The following NUAK2 variants were observed in gnomAD, a reference collection of about 807,000 sequenced individuals.
NUAK2 encodes the protein NUAK family SNF1-like kinase 2.
NUAK2 carries 20 observed loss-of-function variants against 29.8 expected under a neutral mutation model. The ratio of observed to expected loss-of-function variants is 0.67; its 90% confidence interval spans 0.47 to 0.98. The LOEUF (loss-of-function observed/expected upper bound fraction) is 0.98, where lower values mean the gene tolerates loss of function less well. NUAK2 is among the 50% of genes least tolerant of loss of function. NUAK2 has a pLI of 0.00. For synonymous variants in NUAK2, 331 were observed against 342.6 expected, an observed-to-expected ratio of 0.97 and a Z score of 0.37; for missense variants, 719 against 834.5, an observed-to-expected ratio of 0.86 and a Z score of 1.71.
In NUAK2 at chr1:205,303,465, G is replaced by A; in HGVS notation, c.1872C>T (p.Cys624=). ...TATYRQALRV[C]SKLT ...CCTACTCCACTCAGGTGAGCTTTGAGCAGACCCTCAGTGCCTGTCGGTAGG... is the reference window on the plus strand; with the variant it reads ...CCTACTCCACTCAGGTGAGCTTTGAACAGACCCTCAGTGCCTGTCGGTAGG... The change falls in exon 7 of 7, where the codon TGC becomes TGT. Residue 624 remains cysteine (C), a synonymous_variant. Transcript: ENST00000367157. The A allele has an allele frequency of 1.3e-6, 2 of 1,591,050 alleles. No individual in the cohort carries two copies. The highest frequency in any genetic ancestry group is 1.1e-5 in the South Asian group (1 of 87,322).
chr1:205,307,233 G>T (rs894915910), intron 4 of NUAK2, among the ~76,000 whole-genome samples: 1 of 152,114 alleles, frequency 6.6e-6, no homozygotes, highest in African/African-American at 2.4e-5. Flanking sequence ...TGAAACTCTG[G>T]CTCCTTTGTT....
intron 1 of NUAK2, among the ~76,000 whole-genome samples, chr1:205,317,677 T>G (rs541118376): frequency 6.6e-6 from 1 of 151,978 alleles, no homozygotes; most frequent in Admixed American, 6.5e-5. Context: ...AGGACAAGAG[T>G]GGCCTGCAGC....
Position 205,308,214 on chromosome 1 carries a change from C to T in NUAK2, c.521G>A (p.Arg174Gln), listed in dbSNP as rs140270571. 9 of 1,605,970 alleles carry T rather than the reference C, an allele frequency of 5.6e-6. No homozygotes were observed. The highest frequency in any genetic ancestry group is 2.2e-5 in the East Asian group (1 of 44,478). The change falls in exon 4 of 7, where the codon CGA (arginine) becomes CAA (glutamine). Residue 174 changes from arginine to glutamine, a missense_variant. Transcript: ENST00000367157. The surrounding 1 kb of genome is among the most constrained non-coding windows in gnomAD (Gnocchi z 4.1). ...GAGGATGTTCTCCAGCTTGAGATCT[C>T]GGTGGACAACTCTGTTCTGAAAGAA... ...HYCHQNRVVHRDLKLENILLD... is the reference protein window; with the variant it reads ...HYCHQNRVVHQDLKLENILLD...
chr1:205,303,470 C>A lies in NUAK2; in HGVS notation c.1867G>T (p.Val623Phe), dbSNP rs1332129669. The A allele has an allele frequency of 1.9e-6, 3 of 1,595,006 alleles. No individual in the cohort carries two copies. The highest frequency in any genetic ancestry group is 2.6e-6 in the Non-Finnish European group (3 of 1,170,816). ...TCCACTCAGGTGAGCTTTGAGCAGA[C>A]CCTCAGTGCCTGTCGGTAGGTCGCT... ...VTATYRQALR[V>F]CSKLT Residue 623 changes from valine to phenylalanine, a missense_variant, in exon 7 of 7, where the codon GTC becomes TTC. Around this residue, in one of 3 missense-constraint regions of NUAK2, gnomAD observed 430 missense variants for 465.7 expected, o/e 0.92. Transcript: ENST00000367157.
chr1:205,315,379 T>C (rs925547701), intron 1 of NUAK2, among the ~76,000 whole-genome samples: 3 of 152,246 alleles, frequency 2.0e-5, no homozygotes, highest in African/African-American at 7.2e-5. Context: ...AATTGTTTAC[T>C]GGTGAACATA....
At position 205,304,067 on chromosome 1, in the gene NUAK2, C is replaced by G. The variant is rs758521841; in HGVS notation, c.1270G>C (p.Glu424Gln). ...KVSASAEGVQ[E>Q]DPPELSPIPA... ...ATTGGGCTGAGCTCCGGAGGGTCCT[C>G]CTGTACCCCTTCTGCAGAGGCTGAC... Residue 424 changes from glutamate (E) to glutamine (Q), a missense_variant, in exon 7 of 7, where the codon GAG becomes CAG. Coordinates refer to ENST00000367157, the MANE Select transcript of NUAK2 (RefSeq NM_030952.3). The surrounding 1 kb of genome is among the most constrained non-coding windows in gnomAD (Gnocchi z 6.5). The G allele has an allele frequency of 3.7e-6, 6 of 1,614,132 alleles. No individual in the cohort carries two copies. Among genetic ancestry groups the G allele is most frequent in the Admixed American group, 3.3e-5 (2 of 60,020 alleles).
In NUAK2 at chr1:205,308,515, C is replaced by A; in HGVS notation, c.504+66G>T. The A allele has an allele frequency of 6.4e-7, 1 of 1,557,528 alleles. No individual in the cohort carries two copies. Among genetic ancestry groups the A allele is most frequent in the South Asian group, 1.1e-5 (1 of 87,898 alleles). ...GGACAAGTCATGGAACCTCTCTGGT[C>A]CAAAACAGCCCTAGAGCCCTGGGGA... On this transcript the variant is annotated intron_variant, in intron 3 of 6. Coordinates refer to ENST00000367157, the MANE Select transcript of NUAK2 (RefSeq NM_030952.3). This position sits in a 1 kb window ranked among gnomAD's most constrained non-coding sequence, Gnocchi z 4.1.
intron 1 of NUAK2, among the ~76,000 whole-genome samples, chr1:205,320,623 A>G (rs1399046163): frequency 1.3e-5 from 2 of 152,180 alleles, no homozygotes; most frequent in African/African-American, 2.4e-5. Context: ...ATCTTATTCA[A>G]TCCTCACAGC....
intron 5 of NUAK2, 143 bp downstream of exon 5, chr1:205,306,045 C>A: frequency 8.7e-7 from 1 of 1,148,618 alleles, no homozygotes. Flanking sequence ...TGGCTAGACA[C>A]CTGGCAAGTT....
chr1:205,315,281 C>T (rs2102258074), intron 1 of NUAK2, among the ~76,000 whole-genome samples: 1 of 152,332 alleles, frequency 6.6e-6, no homozygotes, highest in East Asian at 1.9e-4. Context: ...CAGGAGAGGG[C>T]TCTAGCTATC....
intron 1 of NUAK2, among the ~76,000 whole-genome samples, chr1:205,313,168 T>C (rs1248610691): frequency 1.3e-5 from 2 of 151,988 alleles, no homozygotes; most frequent in East Asian, 3.9e-4. Context: ...AATTTAACGC[T>C]ACTGGTACAC....
intron 2 of NUAK2, among the ~76,000 whole-genome samples, chr1:205,310,722 C>T (rs1243054933): frequency 6.6e-6 from 1 of 152,166 alleles, no homozygotes; most frequent in African/African-American, 2.4e-5. Flanking sequence ...CCACACTCAG[C>T]CTGGCTTAAC....
intron 1 of NUAK2, among the ~76,000 whole-genome samples, chr1:205,312,418 T>G (rs1662269257): frequency 6.6e-6 from 1 of 152,234 alleles, no homozygotes; most frequent in African/African-American, 2.4e-5. Context: ...ATTCTGAGTT[T>G]GGTACTTTTT....
intron 1 of NUAK2, among the ~76,000 whole-genome samples, chr1:205,317,840 T>A (rs1424431974): frequency 6.6e-6 from 1 of 152,098 alleles, no homozygotes. Context: ...GCAACCAAAG[T>A]GGTTTGGCTT....
intron 2 of NUAK2, among the ~76,000 whole-genome samples, chr1:205,309,361 C>T (rs1368891112): frequency 6.6e-6 from 1 of 152,220 alleles, no homozygotes; most frequent in South Asian, 2.1e-4. Context: ...GAGTCTCGCT[C>T]TGTCACCTAG....
At position 205,303,540 on chromosome 1, in the gene NUAK2, A is replaced by G; in HGVS notation, c.1797T>C (p.Pro599=). The change falls in exon 7 of 7, where the codon CCT becomes CCC. Residue 599 remains proline (P), a synonymous_variant. Transcript: ENST00000367157. ...GSCLRRWRQD[P]LGDSCFSLTD... is the part of the protein sequence containing the mutation. Reference sequence around the variant, plus strand: ...TCAGGGAAAAGCAGCTGTCCCCCAAAGGATCCTGCCGCCAGCGCCTCAGGC... The same window carrying G: ...TCAGGGAAAAGCAGCTGTCCCCCAAGGGATCCTGCCGCCAGCGCCTCAGGC... 1 of 1,613,548 alleles carries G rather than the reference A, an allele frequency of 6.2e-7. No individual in the cohort carries two copies. Among genetic ancestry groups the G allele is most frequent in the Non-Finnish European group, 8.5e-7 (1 of 1,179,912 alleles).
chr1:205,317,185 C>G (rs566303620), intron 1 of NUAK2, among the ~76,000 whole-genome samples: 3 of 152,206 alleles, frequency 2.0e-5, no homozygotes, highest in Non-Finnish European at 4.4e-5. Flanking sequence ...GCCTCCCTCC[C>G]AGGGACTCAG....
At chr1:205,319,128 C>T (rs1393430467) in intron 1 of NUAK2, among the ~76,000 whole-genome samples, 2 of 152,126 alleles carry the variant, frequency 1.3e-5, no homozygotes, top group Non-Finnish European at 1.5e-5. Context: ...GGGGAAGAGG[C>T]AATGCTCCAG....
At chr1:205,318,908 G>A (rs997167212) in intron 1 of NUAK2, among the ~76,000 whole-genome samples, 4 of 152,200 alleles carry the variant, frequency 2.6e-5, no homozygotes, top group African/African-American at 4.8e-5. Flanking sequence ...GGTTGGGAGC[G>A]GGAAGTGTGC....
Sources: allele counts gnomAD v4.1 joint callset (sites outside exome capture counted in the v4.1 genomes callset), GRCh38; gene constraint gnomAD v4.1.1; regional missense constraint gnomAD v4.1.1; non-coding constraint Gnocchi (gnomAD v3.1); transcripts MANE v1.5; gene names NCBI Gene and HGNC (gene_info 2026-07-23, HGNC 2026-07-21).